Variants in ZNF827 observed in about 807,000 individuals in gnomAD.
ZNF827 encodes the protein zinc finger protein 827.
Under a neutral mutation model 102.4 loss-of-function variants are expected in ZNF827, and 13 were observed. The ratio of observed to expected loss-of-function variants is 0.13; its 90% CI spans 0.08 to 0.20. The LOEUF is 0.20. Ranked by LOEUF, ZNF827 falls within the 10% of genes least tolerant of loss-of-function variation. The pLI, the probability that ZNF827 is intolerant of heterozygous loss-of-function variation, is 1.00. For missense variants in ZNF827, 1,103 were observed against 1,344.4 expected (o/e 0.82, Z 2.81); for synonymous variants, 523 against 536.2 (o/e 0.98, Z 0.34).
rs183080597 is a variant in ZNF827 at position 145,828,949 on chromosome 4, G to A, written c.2280-5424C>T. Among the ~76,000 whole-genome samples the A allele has an allele frequency of 2.6e-3, 401 of 152,308 alleles. 9 individuals carry two copies. The highest frequency in any genetic ancestry group is 8.1e-4 in the Non-Finnish European group (55 of 68,040). The stretch of plus-strand genomic sequence containing the variant: ...GGGCCAACAGAGAGTTTTGTCTCAT[G>A]CAGAAGAGAAGGCTCATCTACTTAA... On this transcript the variant is annotated intron_variant, in intron 7 of 14. Transcript: ENST00000508784.
chr4:145,898,952 G>A (rs77400673), intron 2 of ZNF827, among the ~76,000 whole-genome samples: 2,704 of 152,024 alleles, frequency 0.018, 40 homozygotes, highest in Non-Finnish European at 0.027. Context: ...TTTTTCTTGC[G>A]CATTTTGAGA....
At chr4:145,937,321 C>T (rs2127016296) in intron 1 of ZNF827, among the ~76,000 whole-genome samples, 1 of 152,012 alleles carries the variant, frequency 6.6e-6, no homozygotes, top group African/African-American at 2.4e-5. Context: ...CTGTGATGCA[C>T]TTTAGTCCTG....
At chr4:145,844,424 A>C (rs1212569147) in intron 7 of ZNF827, among the ~76,000 whole-genome samples, 1 of 150,002 alleles carries the variant, frequency 6.7e-6, no homozygotes, top group African/African-American at 2.4e-5. Flanking sequence ...TCACCCCTGT[A>C]ATCCCAGCAC....
chr4:145,801,415 A>G (rs1166570199), intron 8 of ZNF827, among the ~76,000 whole-genome samples: 1 of 152,222 alleles, frequency 6.6e-6, no homozygotes, highest in Non-Finnish European at 1.5e-5. Flanking sequence ...TGATATCCCC[A>G]TCAGACAGCA....
At chr4:145,826,683 C>T (rs902209815) in intron 7 of ZNF827, among the ~76,000 whole-genome samples, 15 of 152,186 alleles carry the variant, frequency 9.9e-5, no homozygotes, top group Non-Finnish European at 2.1e-4. Context: ...CATATGTATG[C>T]ATAGGAAAAA....
intron 4 of ZNF827, among the ~76,000 whole-genome samples, chr4:145,872,594 T>C (rs1176192999): frequency 6.6e-6 from 1 of 152,202 alleles, no homozygotes; most frequent in East Asian, 1.9e-4. Context: ...TAACAATTTA[T>C]GGCTGGGTGC....
chr4:145,931,942 C>A (rs1753837712), intron 1 of ZNF827, among the ~76,000 whole-genome samples: 1 of 152,122 alleles, frequency 6.6e-6, no homozygotes, highest in African/African-American at 2.4e-5. Context: ...ACTTAATCCC[C>A]AATGTGATAG....
intron 11 of ZNF827, among the ~76,000 whole-genome samples, chr4:145,773,503 A>T (rs1736595964): frequency 6.6e-6 from 1 of 152,176 alleles, no homozygotes; most frequent in Non-Finnish European, 1.5e-5. Context: ...CTGACCCAAC[A>T]CCCAGGGCTG....
Position 145,856,673 on chromosome 4 carries a change from GTACACACA to G in ZNF827, c.1982-7120_1982-7113del, listed in dbSNP as rs1210243120. Reference sequence around the variant, plus strand: ...ACAGAAAACCATACAATGACCTCCAGTACACACATACACACACACACACACACACACAC... The same window carrying G: ...ACAGAAAACCATACAATGACCTCCAGTACACACACACACACACACACACAC... On this transcript the variant is annotated intron_variant, in intron 5 of 14. Transcript: ENST00000508784. Among the ~76,000 whole-genome samples the G allele has an allele frequency of 1.1e-3, 156 of 139,522 alleles. 1 individual carries two copies. The highest frequency in any genetic ancestry group is 1.7e-3 in the Non-Finnish European group (113 of 65,754). The allele number at this position is 139,522 out of a possible 152,430, so 91.5% of individuals were successfully genotyped here.
At chr4:145,875,772 C>G (rs1561028195) in intron 4 of ZNF827, among the ~76,000 whole-genome samples, 1 of 152,056 alleles carries the variant, frequency 6.6e-6, no homozygotes, top group Non-Finnish European at 1.5e-5. Context: ...ACGATCTCAC[C>G]CTAAACCAAG....
At chr4:145,910,904 A>G (rs1459345050) in intron 1 of ZNF827, among the ~76,000 whole-genome samples, 2 of 152,158 alleles carry the variant, frequency 1.3e-5, no homozygotes, top group African/African-American at 4.8e-5. Flanking sequence ...ACTGTTTTTT[A>G]GAATACAAGC....
In ZNF827 at chr4:145,785,194, G is replaced by T. The variant is rs184494155; in HGVS notation, c.2384-5683C>A. Among the ~76,000 whole-genome samples, 21 of 152,292 alleles carry T rather than the reference G, an allele frequency of 1.4e-4. No homozygotes were observed. In the East Asian group the frequency reaches 3.9e-3, roughly 28 times the overall value. On this transcript the variant is annotated intron_variant, in intron 8 of 14. Coordinates refer to ENST00000508784, the MANE Select transcript of ZNF827 (RefSeq NM_001306215.2). ...TAGCAATCCCAAAACAAGGCTTTCAGCTCCTCCTGTTAATGGTGAACTGAG... is the reference window on the plus strand; with the variant it reads ...TAGCAATCCCAAAACAAGGCTTTCATCTCCTCCTGTTAATGGTGAACTGAG...
chr4:145,849,424 G>C lies in ZNF827; in HGVS notation c.2119C>G (p.Pro707Ala), dbSNP rs1266777965. The stretch of plus-strand genomic sequence containing the variant: ...CTGCCCTCTGGCATCTTCTGTAAGG[G>C]TTCGGTTTTCTCTCGCCCGATTAAA... ...STLIGREKTE[P>A]LQKMPEGRVP... The change falls in exon 6 of 15, where the codon CCC becomes GCC. Residue 707 changes from proline to alanine, a missense_variant. Pro to Ala is a conservative substitution (Grantham distance 27). Transcript: ENST00000508784. The C allele has an allele frequency of 6.2e-7, 1 of 1,614,128 alleles. No individual in the cohort carries two copies.
chr4:145,895,371 A>G (rs550647382), intron 2 of ZNF827, among the ~76,000 whole-genome samples: 6 of 152,320 alleles, frequency 3.9e-5, no homozygotes, highest in African/African-American at 1.4e-4. Context: ...AACCCTGCAT[A>G]TTATTATTTC....
intron 8 of ZNF827, among the ~76,000 whole-genome samples, chr4:145,780,059 C>T (rs574468472): frequency 6.6e-6 from 1 of 152,210 alleles, no homozygotes; most frequent in South Asian, 2.1e-4. Context: ...GGCATGGTGG[C>T]GGGTGCCTGT....
chr4:145,849,580 A>AG lies in ZNF827; in HGVS notation c.1982-20dup. 6.2e-7 allele frequency: 1 copy of AG among 1,611,910 alleles called. No homozygotes were observed. The highest frequency in any genetic ancestry group is 8.5e-7 in the Non-Finnish European group (1 of 1,178,480). On this transcript the variant is annotated intron_variant, in intron 5 of 14. Coordinates refer to ENST00000508784, the MANE Select transcript of ZNF827 (RefSeq NM_001306215.2). ...CTTTCCGCTGCAAGTAGGTGAATGA[A>AG]GAGAAACAAAAACACCACCATTTCT...
At chr4:145,858,696 C>G (rs1425618030) in intron 5 of ZNF827, among the ~76,000 whole-genome samples, 1 of 150,428 alleles carries the variant, frequency 6.6e-6, no homozygotes, top group Non-Finnish European at 1.5e-5. Context: ...CTGAAAGATT[C>G]AGTAGAATCC....
chr4:145,905,020 A>G (rs1176997043), intron 1 of ZNF827, among the ~76,000 whole-genome samples: 1 of 152,236 alleles, frequency 6.6e-6, no homozygotes, highest in Non-Finnish European at 1.5e-5. Context: ...AAGTGACTCA[A>G]TTAGGTGCAT....
In ZNF827 at chr4:145,846,021, G is replaced by C. The variant is rs1488344922; in HGVS notation, c.2222-8C>G. On this transcript the variant is annotated splice_polypyrimidine_tract_variant and splice_region_variant and intron_variant, in intron 6 of 14. Coordinates refer to ENST00000508784, the MANE Select transcript of ZNF827 (RefSeq NM_001306215.2). ...GCTCTTTGCTCACTTTTTCTGTAAG[G>C]AGAAAGAATGAAACATACACCTCTT... is the stretch of plus-strand genomic sequence containing the variant. 1 of 1,614,126 alleles carries C rather than the reference G, an allele frequency of 6.2e-7. No homozygotes were observed. The highest frequency in any genetic ancestry group is 8.5e-7 in the Non-Finnish European group (1 of 1,179,988).
Sources: gnomAD v4.1 joint callset for allele counts (sites outside exome capture counted in the v4.1 genomes callset) on GRCh38, gnomAD v4.1.1 for gene constraint, MANE v1.5 for transcripts, NCBI Gene and HGNC (gene_info 2026-07-23, HGNC 2026-07-21) for gene names.